CCDC102B: variants seen among roughly 807,000 people sequenced by gnomAD.
CCDC102B encodes coiled-coil domain containing 102B.
CCDC102B carries 75 observed loss-of-function variants against 57.4 expected under a neutral mutation model. That is an observed-to-expected ratio of 1.31 (90% CI 1.08 to 1.58). The LOEUF (loss-of-function observed/expected upper bound fraction) is 1.58, where lower values mean the gene tolerates loss of function less well. Ranked by LOEUF, CCDC102B falls within the 40% of genes most tolerant of loss-of-function variation. The pLI, the probability that CCDC102B is intolerant of heterozygous loss-of-function variation, is 0.00. For synonymous variants in CCDC102B, 206 were observed against 201.9 expected, an observed-to-expected ratio of 1.02 and a Z score of -0.17; for missense variants, 636 against 582.6, an observed-to-expected ratio of 1.09 and a Z score of -0.94.
At chr18:68,788,771 G>C (rs1268390358) in intron 2 of CCDC102B, among the ~76,000 whole-genome samples, 36 of 151,684 alleles carry the variant, frequency 2.4e-4, no homozygotes, top group Non-Finnish European at 4.9e-4. Flanking sequence ...GATGGGTCTT[G>C]ACTCTTTATC....
chr18:69,002,279 G>A (rs1180124543), intron 6 of CCDC102B, among the ~76,000 whole-genome samples: 1 of 152,306 alleles, frequency 6.6e-6, no homozygotes, highest in South Asian at 2.1e-4. Context: ...AGGGATACAA[G>A]TGTATATTTT....
At chr18:68,928,050 AG>A (rs1426664648) in intron 6 of CCDC102B, among the ~76,000 whole-genome samples, 2 of 151,996 alleles carry the variant, frequency 1.3e-5, no homozygotes, top group African/African-American at 2.4e-5. Flanking sequence ...CATCTGTTAG[AG>A]GTGTGAACTT....
chr18:68,785,779 G>A (rs4641852), intron 2 of CCDC102B, among the ~76,000 whole-genome samples: 66,391 of 149,702 alleles, frequency 0.44, 15,430 homozygotes, highest in East Asian at 0.8. Context: ...TCTGTAGGTT[G>A]CCTGTTCACT....
chr18:68,971,079 AGT>A, intron 6 of CCDC102B, among the ~76,000 whole-genome samples: 1 of 152,192 alleles, frequency 6.6e-6, no homozygotes, highest in South Asian at 2.1e-4. Flanking sequence ...CTGCGAGAAC[AGT>A]GTCTTTAAGA....
At chr18:68,804,521 G>A (rs964106819) in intron 1 of CCDC102B, among the ~76,000 whole-genome samples, 1 of 152,164 alleles carries the variant, frequency 6.6e-6, no homozygotes, top group African/African-American at 2.4e-5. Context: ...TGGAGCGCTT[G>A]CAGTCAGAGG....
intron 4 of CCDC102B, among the ~76,000 whole-genome samples, chr18:68,857,539 C>T (rs1048368431): frequency 2.7e-5 from 4 of 149,754 alleles, no homozygotes; most frequent in African/African-American, 9.9e-5. Flanking sequence ...CCTTGTATCA[C>T]TCACTGCAGA....
chr18:68,821,952 T>C (rs1412274208), intron 1 of CCDC102B, among the ~76,000 whole-genome samples: 1 of 152,204 alleles, frequency 6.6e-6, no homozygotes, highest in East Asian at 1.9e-4. Context: ...TTCTTCTATT[T>C]GGGATATGAT....
At chr18:69,037,507 G>A (rs1018704327) in intron 7 of CCDC102B, among the ~76,000 whole-genome samples, 1 of 151,992 alleles carries the variant, frequency 6.6e-6, no homozygotes, top group South Asian at 2.1e-4. Flanking sequence ...AGGACAAGCA[G>A]CATCAGTATC....
chr18:69,044,508 G>A (rs545502575), intron 7 of CCDC102B, among the ~76,000 whole-genome samples: 4 of 152,132 alleles, frequency 2.6e-5, no homozygotes, highest in Non-Finnish European at 5.9e-5. Context: ...GGCAATATGA[G>A]ATATTTGAAA....
chr18:68,764,661 A>G (rs937766181), intron 2 of CCDC102B, among the ~76,000 whole-genome samples: 10 of 152,212 alleles, frequency 6.6e-5, no homozygotes, highest in Admixed American at 5.2e-4. Context: ...ACCTCCAAAT[A>G]TTCAAGAAGA....
At chr18:68,908,326 G>A (rs1050241960) in intron 6 of CCDC102B, 2 of 152,144 alleles carry the variant, frequency 1.3e-5, no homozygotes, top group African/African-American at 4.8e-5. Context: ...AAGCTTTCCT[G>A]CCATATTTAA....
intron 2 of CCDC102B, among the ~76,000 whole-genome samples, chr18:68,722,932 A>G (rs1383934315): frequency 7.1e-6 from 1 of 141,210 alleles, no homozygotes; most frequent in Non-Finnish European, 1.5e-5. Flanking sequence ...TTCAGGGAGT[A>G]CAAGTGCAGG....
chr18:68,926,329 T>C (rs986707612), intron 6 of CCDC102B, among the ~76,000 whole-genome samples: 3 of 152,020 alleles, frequency 2.0e-5, no homozygotes, highest in African/African-American at 7.2e-5. Flanking sequence ...ACTTCTGCCT[T>C]TAAAAAAGCT....
chr18:69,037,028 TACACAC>T (rs3059238), intron 7 of CCDC102B, among the ~76,000 whole-genome samples: 14,147 of 150,012 alleles, frequency 0.094, 1,031 homozygotes, highest in East Asian at 0.31. Context: ...GGTGTATATA[TACACAC>T]ACACACACAC....
chr18:68,901,710 C>T (rs1270269213), intron 6 of CCDC102B, among the ~76,000 whole-genome samples: 2 of 152,044 alleles, frequency 1.3e-5, no homozygotes, highest in African/African-American at 4.8e-5. Context: ...CCTATCTTTC[C>T]AGTCTCTTAT....
chr18:68,715,275 A>C (rs2031871064), exon 1 of CCDC102B: 6 of 1,294,228 alleles, frequency 4.6e-6, no homozygotes, highest in Admixed American at 3.9e-5. Flanking sequence ...AACCCTGCTT[A>C]AGGGCTTTAC....
chr18:68,886,889 A>G (rs1267400460), intron 5 of CCDC102B, among the ~76,000 whole-genome samples: 1 of 152,006 alleles, frequency 6.6e-6, no homozygotes, highest in East Asian at 1.9e-4. Flanking sequence ...TCCTTTAATA[A>G]TCTGCTCTTA....
intron 6 of CCDC102B, among the ~76,000 whole-genome samples, chr18:68,989,605 G>A (rs2050810755): frequency 6.6e-6 from 1 of 152,208 alleles, no homozygotes; most frequent in African/African-American, 2.4e-5. Flanking sequence ...TCCCTCATGA[G>A]CCTCAGGCAG....
intron 2 of CCDC102B, chr18:68,753,271 GA>G (rs1207887671): frequency 6.6e-6 from 1 of 152,070 alleles, no homozygotes; most frequent in Admixed American, 6.6e-5. Flanking sequence ...TCGTGCTTGA[GA>G]AACATTTTCT....
Sources: gnomAD v4.1 joint callset for allele counts (sites outside exome capture counted in the v4.1 genomes callset) on GRCh38, gnomAD v4.1.1 for gene constraint, MANE v1.5 for transcripts, NCBI Gene and HGNC (gene_info 2026-07-23, HGNC 2026-07-21) for gene names.